BORCS5: variants seen among roughly 807,000 people sequenced by gnomAD.
BORCS5 encodes the protein BLOC-1-related complex subunit 5.
Under a neutral mutation model 22.1 loss-of-function variants are expected in BORCS5, and 17 were observed. That is an observed-to-expected ratio of 0.77 (90% CI 0.53 to 1.15). BORCS5 has a LOEUF of 1.15. Among genes scored for constraint, BORCS5 ranks in the 50% most tolerant of loss-of-function variants. The pLI, the probability that BORCS5 is intolerant of heterozygous loss-of-function variation, is 0.00. For synonymous variants in BORCS5, 117 were observed against 99.8 expected (o/e 1.17, Z -1.03); for missense variants, 247 against 253.2 (o/e 0.98, Z 0.17).
intron 2 of BORCS5, among the ~76,000 whole-genome samples, chr12:12,402,988 T>C (rs1368747581): frequency 1.3e-5 from 2 of 152,232 alleles, no homozygotes; most frequent in African/African-American, 2.4e-5. Context: ...CTCATTATTA[T>C]TTCTTAGAAA....
At chr12:12,441,719 A>C (rs894576829) in intron 3 of BORCS5, among the ~76,000 whole-genome samples, 3 of 110,568 alleles carry the variant, frequency 2.7e-5, no homozygotes, top group Non-Finnish European at 5.9e-5. Flanking sequence ...GCAAAAAAAA[A>C]ATTTTTTTTT....
At chr12:12,386,260 C>G (rs1481240789) in intron 2 of BORCS5, among the ~76,000 whole-genome samples, 1 of 151,142 alleles carries the variant, frequency 6.6e-6, no homozygotes, top group African/African-American at 2.4e-5. Flanking sequence ...CTCGGCCTCC[C>G]AAAGTGCTGG....
chr12:12,407,638 A>G (rs1011462094), intron 2 of BORCS5, among the ~76,000 whole-genome samples: 7 of 151,302 alleles, frequency 4.6e-5, no homozygotes, highest in South Asian at 2.1e-4. Flanking sequence ...TAATTTCCCA[A>G]TCTCTACCCT....
chr12:12,445,496 C>CTTTT (rs5796492), intron 3 of BORCS5, among the ~76,000 whole-genome samples: 5 of 45,764 alleles, frequency 1.1e-4, no homozygotes, highest in Non-Finnish European at 1.1e-4. Flanking sequence ...ACATGCATTG[C>CTTTT]TTTTTTTTTT....
chr12:12,442,480 CAT>C (rs1268213082), intron 3 of BORCS5, among the ~76,000 whole-genome samples: 1 of 152,110 alleles, frequency 6.6e-6, no homozygotes, highest in Admixed American at 6.5e-5. Context: ...TGTTGATAAG[CAT>C]AGTGTATTGA....
chr12:12,379,823 AAGAAC>A (rs1196435444), intron 2 of BORCS5, among the ~76,000 whole-genome samples: 1 of 151,338 alleles, frequency 6.6e-6, no homozygotes, highest in Admixed American at 6.6e-5. Context: ...AATTCCCTTT[AAGAAC>A]TTGTCCTTTG....
At chr12:12,382,060 T>C (rs1484626650) in intron 2 of BORCS5, among the ~76,000 whole-genome samples, 1 of 151,480 alleles carries the variant, frequency 6.6e-6, no homozygotes, top group Non-Finnish European at 1.5e-5. Context: ...TTCTATTTTA[T>C]CTAATATTAA....
At position 12,361,403 on chromosome 12, in the gene BORCS5, C is replaced by T; in HGVS notation, c.202+54C>T. 2.5e-6 allele frequency: 4 copies of T among 1,585,528 alleles called. No homozygotes were observed. In the South Asian group the frequency reaches 3.3e-5, roughly 13 times the overall value. On this transcript the variant is annotated intron_variant, in intron 2 of 3. Transcript: ENST00000314565. The stretch of plus-strand genomic sequence containing the variant: ...ACTTGCTGGAGACGTTTGTGTAGCC[C>T]TACTACTTTCCCTCTACTTATCCAT...
chr12:12,433,162 T>C (rs1942469635), intron 2 of BORCS5, among the ~76,000 whole-genome samples: 1 of 151,718 alleles, frequency 6.6e-6, no homozygotes, highest in African/African-American at 2.4e-5. Flanking sequence ...GGTGAAACCC[T>C]GTCTCTACTA....
intron 1 of BORCS5, among the ~76,000 whole-genome samples, chr12:12,360,573 T>TC: frequency 6.8e-6 from 1 of 146,106 alleles, no homozygotes; most frequent in African/African-American, 2.5e-5. Flanking sequence ...AGAAATTTTT[T>TC]TTTTTTTTTT....
chr12:12,408,651 G>C lies in BORCS5; in HGVS notation c.203-26977G>C, dbSNP rs57199201. ...TACTTCATATAAATGGAATCATTCA[G>C]TGTTTGCTTGTGACTGGCTTACTTC... On this transcript the variant is annotated intron_variant, in intron 2 of 3. Transcript: ENST00000314565. Among the ~76,000 whole-genome samples the C allele has an allele frequency of 9.2e-4, 140 of 152,272 alleles. 4 individuals carry two copies. In the East Asian group the frequency reaches 0.022, roughly 24 times the overall value.
chr12:12,364,375 C>CAAAAAAAAA (rs555613644), intron 2 of BORCS5, among the ~76,000 whole-genome samples: 5 of 49,798 alleles, frequency 1.0e-4, no homozygotes, highest in Non-Finnish European at 2.5e-4. Flanking sequence ...GACTTGGTCT[C>CAAAAAAAAA]AAAGAAAAAT....
intron 3 of BORCS5, among the ~76,000 whole-genome samples, chr12:12,458,578 CTT>C (rs57810545): frequency 7.2e-6 from 1 of 139,656 alleles, no homozygotes; most frequent in African/African-American, 2.7e-5. Flanking sequence ...CTTTTCTTTC[CTT>C]TTTTTTTTTT....
chr12:12,374,517 G>C (rs900835583), intron 2 of BORCS5, among the ~76,000 whole-genome samples: 7 of 151,740 alleles, frequency 4.6e-5, no homozygotes, highest in Middle Eastern at 3.4e-3. Flanking sequence ...GTGTGCACCT[G>C]TACTCCCAGC....
At chr12:12,450,513 T>A (rs1345325707) in intron 3 of BORCS5, among the ~76,000 whole-genome samples, 2 of 152,236 alleles carry the variant, frequency 1.3e-5, no homozygotes, top group Admixed American at 6.5e-5. Flanking sequence ...ATTTATTATT[T>A]TTTTTATTAG....
At chr12:12,362,731 C>T (rs1370651871) in intron 2 of BORCS5, among the ~76,000 whole-genome samples, 1 of 150,212 alleles carries the variant, frequency 6.7e-6, no homozygotes, top group South Asian at 2.1e-4. Flanking sequence ...CCTCCACCTC[C>T]CAGGTTCAAG....
chr12:12,361,072 C>A, intron 1 of BORCS5, 134 bp from the exon 2 acceptor site: 1 of 840,564 alleles, frequency 1.2e-6, no homozygotes, highest in Non-Finnish European at 1.9e-6. Flanking sequence ...TAATTCATCC[C>A]TGCCACCCCA....
At chr12:12,416,011 T>C (rs556012407) in intron 2 of BORCS5, among the ~76,000 whole-genome samples, 1 of 152,336 alleles carries the variant, frequency 6.6e-6, no homozygotes, top group Admixed American at 6.5e-5. Context: ...TTACTAATTA[T>C]AGGTCTATTC....
intron 3 of BORCS5, among the ~76,000 whole-genome samples, chr12:12,451,015 G>A: frequency 6.6e-6 from 1 of 152,168 alleles, no homozygotes; most frequent in East Asian, 1.9e-4. Context: ...AATATGATGT[G>A]CATTGATTAC....
Sources: gnomAD v4.1 joint callset for allele counts (sites outside exome capture counted in the v4.1 genomes callset) on GRCh38, gnomAD v4.1.1 for gene constraint, MANE v1.5 for transcripts, NCBI Gene and HGNC (gene_info 2026-07-23, HGNC 2026-07-21) for gene names.